The following SMAD9 variants were observed in gnomAD, a reference collection of about 807,000 sequenced individuals.
SMAD9 encodes MAD homolog 9.
SMAD9 carries 36 observed loss-of-function variants against 46.1 expected under a neutral mutation model. That is an observed-to-expected ratio of 0.78 (90% CI 0.60 to 1.03). The LOEUF is 1.03. Ranked by LOEUF, SMAD9 falls within the 50% of genes least tolerant of loss-of-function variation. The pLI is 0.00. For missense variants in SMAD9, 572 were observed against 599.8 expected (o/e 0.95, Z 0.48); for synonymous variants, 245 against 237.1 (o/e 1.03, Z -0.31).
chr13:36,860,926 C>T (rs879710377), intron 5 of SMAD9, among the ~76,000 whole-genome samples: 7 of 152,266 alleles, frequency 4.6e-5, no homozygotes, highest in African/African-American at 1.7e-4. Context: ...CAAGGTATTG[C>T]CTTTGACATT....
chr13:36,855,180 C>T (rs767194822), intron 5 of SMAD9, among the ~76,000 whole-genome samples: 1 of 134,770 alleles, frequency 7.4e-6, no homozygotes, highest in Non-Finnish European at 1.5e-5. Context: ...ACTTGGGAGG[C>T]GGAGGCTGCA....
chr13:36,879,167 TC>T, intron 2 of SMAD9, 110 bp downstream of exon 2: 1 of 1,016,786 alleles, frequency 9.8e-7, no homozygotes, highest in Non-Finnish European at 1.5e-6. Flanking sequence ...CTCTCTTCTC[TC>T]TCTCTCTTTT....
chr13:36,902,381 T>C (rs748815601), intron 1 of SMAD9, among the ~76,000 whole-genome samples: 35 of 152,306 alleles, frequency 2.3e-4, no homozygotes, highest in Non-Finnish European at 2.8e-4. Flanking sequence ...CTTACATCAA[T>C]ACCACACTAT....
At chr13:36,897,598 A>C (rs1274903080) in intron 1 of SMAD9, among the ~76,000 whole-genome samples, 1 of 152,214 alleles carries the variant, frequency 6.6e-6, no homozygotes, top group African/African-American at 2.4e-5. Flanking sequence ...TTAGAAAGTT[A>C]ACATCTTCCT....
At chr13:36,883,330 C>CA (rs1372805635) in intron 1 of SMAD9, among the ~76,000 whole-genome samples, 2 of 151,794 alleles carry the variant, frequency 1.3e-5, no homozygotes, top group African/African-American at 4.9e-5. Context: ...ACTACATTTC[C>CA]AAAAAGTGCA....
At chr13:36,868,134 G>A (rs886179898) in intron 3 of SMAD9, among the ~76,000 whole-genome samples, 1 of 152,168 alleles carries the variant, frequency 6.6e-6, no homozygotes, top group African/African-American at 2.4e-5. Flanking sequence ...TTGTTGTATC[G>A]AATTGTCCAC....
rs577315036 is a variant in SMAD9 at position 36,873,006 on chromosome 13, G to T, written c.413-91C>A. On this transcript the variant is annotated intron_variant, in intron 2 of 6. Transcript: ENST00000379826. ...TACTTGCTGTTCTTATCTATTTTTT[G>T]TTTATGATAGAGCTGTTTTTCCCCT... 1.8e-4 allele frequency: 265 copies of T among 1,444,974 alleles called. 2 individuals are homozygous for T. The African/African-American group carries it at 2.4e-3, about 13-fold the overall frequency. 89.5% of individuals were successfully genotyped at this position (1,444,974 alleles called of 1,614,324 possible). A position where few individuals can be genotyped will look rare whatever the true frequency, so the allele number is the denominator to read the frequency against.
chr13:36,872,325 T>C (rs1183326440), intron 3 of SMAD9, among the ~76,000 whole-genome samples: 1 of 150,360 alleles, frequency 6.7e-6, no homozygotes, highest in Non-Finnish European at 1.5e-5. Context: ...TCAGGCCAAG[T>C]CTTCTGCTTG....
chr13:36,853,580 C>T lies in SMAD9; in HGVS notation c.1099G>A (p.Gly367Ser), dbSNP rs529605417. 2.7e-5 allele frequency: 44 copies of T among 1,614,074 alleles called. No individual in the cohort carries two copies. The highest frequency in any genetic ancestry group is 8.8e-5 in the South Asian group (8 of 91,080). ...VQSRNCNYQHGFHPATVCKIP... is the reference protein window; with the variant it reads ...VQSRNCNYQHSFHPATVCKIP... ...TTGCAGACGGTAGCTGGGTGGAAGC[C>T]GTGTTGATAGTTGCAGTTCCGGCTC... Residue 367 changes from glycine (G) to serine (S), a missense_variant, in exon 6 of 7, where the codon GGC (glycine) becomes AGC (serine). Physicochemically the swap from Gly to Ser is moderately conservative, Grantham distance 56. Transcript: ENST00000379826.
chr13:36,850,064 A>T (rs2058062245), intron 6 of SMAD9: 2 of 152,132 alleles, frequency 1.3e-5, no homozygotes, highest in Admixed American at 6.6e-5. Flanking sequence ...TTCTCTCTTA[A>T]ATCCATTCTG....
At chr13:36,913,348 A>G (rs2058675736) in intron 1 of SMAD9, among the ~76,000 whole-genome samples, 1 of 152,152 alleles carries the variant, frequency 6.6e-6, no homozygotes, top group Admixed American at 6.5e-5. Context: ...TGTAGTCCCC[A>G]GGGCCTGTTC....
At chr13:36,876,101 T>A (rs887995586) in intron 2 of SMAD9, among the ~76,000 whole-genome samples, 2 of 152,232 alleles carry the variant, frequency 1.3e-5, no homozygotes, top group Admixed American at 1.3e-4. Context: ...CTTGTAAATA[T>A]GACAGTGCGC....
At position 36,848,339 on chromosome 13, in the gene SMAD9, A is replaced by C; in HGVS notation, c.*337T>G. On this transcript the variant is annotated 3_prime_UTR_variant, in exon 7 of 7. Coordinates refer to ENST00000379826, the MANE Select transcript of SMAD9 (RefSeq NM_001127217.3). ...ACAGTTTCAATGTTTCTGTGAGGCC[A>C]CACAACATGCTTTATAATGACACGG... is the stretch of plus-strand genomic sequence containing the variant. 3.2e-6 allele frequency: 1 copy of C among 312,498 alleles called. No homozygotes were observed. Among genetic ancestry groups the C allele is most frequent in the South Asian group, 3.5e-5 (1 of 28,494 alleles). 19.4% of individuals were successfully genotyped at this position (312,498 alleles called of 1,614,324 possible).
At chr13:36,854,449 C>G (rs1238289823) in intron 5 of SMAD9, among the ~76,000 whole-genome samples, 1 of 151,982 alleles carries the variant, frequency 6.6e-6, no homozygotes, top group African/African-American at 2.4e-5. Flanking sequence ...CTCACTGCAA[C>G]CTCTGCCTCC....
intron 1 of SMAD9, among the ~76,000 whole-genome samples, chr13:36,908,364 T>C (rs1017869256): frequency 1.4e-4 from 21 of 152,218 alleles, no homozygotes. Flanking sequence ...CATTCCTAGA[T>C]TCAACAACTG....
chr13:36,885,808 ATTC>A (rs1263831425), intron 1 of SMAD9, among the ~76,000 whole-genome samples: 3 of 152,094 alleles, frequency 2.0e-5, no homozygotes, highest in South Asian at 2.1e-4. Flanking sequence ...GTCCATAGGT[ATTC>A]TTCTTTAAAT....
At chr13:36,917,331 C>G (rs1354446628) in intron 1 of SMAD9, among the ~76,000 whole-genome samples, 3 of 151,676 alleles carry the variant, frequency 2.0e-5, no homozygotes, top group Non-Finnish European at 4.4e-5. Flanking sequence ...TGGACATTCA[C>G]CAGGATAACA....
intron 2 of SMAD9, among the ~76,000 whole-genome samples, chr13:36,876,596 CT>C (rs2138468598): frequency 6.6e-6 from 1 of 152,112 alleles, no homozygotes; most frequent in African/African-American, 2.4e-5. Flanking sequence ...TTTGTCTGTA[CT>C]ATAAAAGTGT....
intron 1 of SMAD9, among the ~76,000 whole-genome samples, chr13:36,906,070 G>A (rs1045956220): frequency 6.6e-6 from 1 of 152,028 alleles, no homozygotes; most frequent in African/African-American, 2.4e-5. Flanking sequence ...AGACTCTAAG[G>A]AATGGCAGCT....
Sources: gnomAD v4.1 joint callset for allele counts (sites outside exome capture counted in the v4.1 genomes callset) on GRCh38, gnomAD v4.1.1 for gene constraint, MANE v1.5 for transcripts, NCBI Gene and HGNC (gene_info 2026-07-23, HGNC 2026-07-21) for gene names.